The following KLF12 variants were observed in gnomAD, a reference collection of about 807,000 sequenced individuals.
KLF12 encodes the protein KLF transcription factor 12.
Under a neutral mutation model 37.8 loss-of-function variants are expected in KLF12, and 9 were observed. The observed-to-expected ratio is 0.24, with a 90% CI of 0.14 to 0.42. The LOEUF is 0.42. Among genes scored for constraint, KLF12 ranks in the 10% least tolerant of loss-of-function variants. KLF12 has a pLI of 1.00. For missense variants in KLF12, 411 were observed against 516.0 expected, an observed-to-expected ratio of 0.80 and a Z score of 1.97; for synonymous variants, 208 against 202.1, an observed-to-expected ratio of 1.03 and a Z score of -0.25.
chr13:74,252,903 C>T, the KLF12 span, among the ~76,000 whole-genome samples: 786 of 152,214 alleles, frequency 5.2e-3, 5 homozygotes, highest in African/African-American at 0.017. Flanking sequence ...TAGAAATATC[C>T]GGTCTAGATT....
intron 1 of KLF12, among the ~76,000 whole-genome samples, chr13:74,112,220 G>GTA (rs1456318046): frequency 1.3e-5 from 2 of 151,446 alleles, no homozygotes; most frequent in Non-Finnish European, 2.9e-5. Flanking sequence ...GTGTGTGTGT[G>GTA]TGTATGATAT....
rs575983063 is a variant in KLF12, at chr13:73,947,688, C to T, written c.34-3618G>A. On this transcript the variant is annotated intron_variant, in intron 2 of 7. Transcript: ENST00000377669. Reference sequence around the variant, plus strand: ...AAAAAAGAGTTGGCAACACAGTAGTCGAGCTGACATTCGCTCTCCCTGTCA... The same window carrying T: ...AAAAAAGAGTTGGCAACACAGTAGTTGAGCTGACATTCGCTCTCCCTGTCA... 1.2e-3 allele frequency among the ~76,000 whole-genome samples: 183 copies of T among 147,982 alleles called. 1 individual carries two copies. Among genetic ancestry groups the T allele is most frequent in the African/African-American group, 4.1e-3 (166 of 40,252 alleles).
intron 4 of KLF12, among the ~76,000 whole-genome samples, 182 bp from the exon 5 acceptor site, chr13:73,813,469 T>C (rs1883051337): frequency 6.6e-6 from 1 of 152,168 alleles, no homozygotes; most frequent in African/African-American, 2.4e-5. Context: ...CTTTTTCCCT[T>C]CATTGGAGTT....
chr13:73,797,658 T>A (rs1414657876), intron 5 of KLF12, among the ~76,000 whole-genome samples: 1 of 150,544 alleles, frequency 6.6e-6, no homozygotes, highest in Non-Finnish European at 1.5e-5. Flanking sequence ...TAATTCTAGC[T>A]ACTAGTGAGG....
the KLF12 span, among the ~76,000 whole-genome samples, chr13:74,292,897 T>C: frequency 2.0e-5 from 3 of 152,216 alleles, no homozygotes; most frequent in East Asian, 3.9e-4. Context: ...GTAGCATCTT[T>C]GTTTGCTTCT....
chr13:73,722,721 C>T (rs1489364088), intron 6 of KLF12, among the ~76,000 whole-genome samples: 2 of 152,164 alleles, frequency 1.3e-5, no homozygotes, highest in East Asian at 1.9e-4. Context: ...AAGAGAAATA[C>T]GTTTGCTAAA....
chr13:73,690,036 C>G lies in KLF12; in HGVS notation c.*5454G>C, dbSNP rs1873729742. On this transcript the variant is annotated 3_prime_UTR_variant, in exon 8 of 8. Coordinates refer to ENST00000377669, the MANE Select transcript of KLF12 (RefSeq NM_007249.5). ...TCAAATTAAGAAATGTTAATGTAAA[C>G]AAGATTAGGTATATTTGAAAGCTAT... 6.6e-6 allele frequency: 1 copy of G among 152,348 alleles called. No homozygotes were observed. The highest frequency in any genetic ancestry group is 1.5e-5 in the Non-Finnish European group (1 of 67,996). 9.4% of individuals were successfully genotyped at this position (152,348 alleles called of 1,614,324 possible). A position where few individuals can be genotyped will look rare whatever the true frequency, so the allele number is the denominator to read the frequency against.
intron 3 of KLF12, among the ~76,000 whole-genome samples, chr13:73,856,917 G>C (rs988062683): frequency 6.6e-6 from 1 of 152,090 alleles, no homozygotes; most frequent in Non-Finnish European, 1.5e-5. Context: ...AACCCAGGAG[G>C]AGGAGGTTGC....
At chr13:74,023,571 T>C (rs150043874) in intron 1 of KLF12, among the ~76,000 whole-genome samples, 1 of 152,334 alleles carries the variant, frequency 6.6e-6, no homozygotes, top group Non-Finnish European at 1.5e-5. Flanking sequence ...CTGGTATTCC[T>C]TGGCCTGTAA....
At chr13:74,094,550 GGA>G (rs1013347598) in intron 1 of KLF12, among the ~76,000 whole-genome samples, 29 of 151,810 alleles carry the variant, frequency 1.9e-4, no homozygotes, top group African/African-American at 6.8e-4. Flanking sequence ...CTGGCACATA[GGA>G]GGTAGTAAAT....
At chr13:73,972,771 C>G (rs1367029597) in intron 2 of KLF12, among the ~76,000 whole-genome samples, 2 of 150,886 alleles carry the variant, frequency 1.3e-5, no homozygotes, top group African/African-American at 4.9e-5. Flanking sequence ...TAATGAATCA[C>G]CAGAAGCACA....
intron 3 of KLF12, among the ~76,000 whole-genome samples, chr13:73,865,511 C>A (rs1462358397): frequency 6.6e-6 from 1 of 152,076 alleles, no homozygotes; most frequent in Non-Finnish European, 1.5e-5. Context: ...GAAAGAAACA[C>A]AAGAAAAGGA....
intron 4 of KLF12, among the ~76,000 whole-genome samples, chr13:73,831,181 C>T (rs1884137498): frequency 6.6e-6 from 1 of 152,088 alleles, no homozygotes; most frequent in African/African-American, 2.4e-5. Context: ...TTAAGGCATA[C>T]TTTTTAAAGC....
intron 3 of KLF12, among the ~76,000 whole-genome samples, chr13:73,858,915 T>C (rs760155482): frequency 5.3e-5 from 8 of 152,216 alleles, no homozygotes; most frequent in East Asian, 3.8e-4. Flanking sequence ...ATAAGTGTTA[T>C]AAAGACTGTG....
chr13:73,728,742 T>A (rs1014102305), intron 6 of KLF12, among the ~76,000 whole-genome samples: 1 of 152,232 alleles, frequency 6.6e-6, no homozygotes, highest in Non-Finnish European at 1.5e-5. Context: ...CAGCCTCGTT[T>A]CTGGGGTAAG....
At chr13:74,112,861 C>T (rs147814766) in intron 1 of KLF12, among the ~76,000 whole-genome samples, 17 of 152,236 alleles carry the variant, frequency 1.1e-4, no homozygotes, top group Admixed American at 5.9e-4. Flanking sequence ...GCAGACAGAC[C>T]GAAAGCCAGG....
At chr13:74,066,169 A>C (rs1873903443) in intron 1 of KLF12, among the ~76,000 whole-genome samples, 1 of 152,124 alleles carries the variant, frequency 6.6e-6, no homozygotes, top group African/African-American at 2.4e-5. Context: ...TATGAAGAGG[A>C]AATATGGAAC....
At chr13:73,957,948 G>A (rs1053470651) in intron 2 of KLF12, among the ~76,000 whole-genome samples, 10 of 152,122 alleles carry the variant, frequency 6.6e-5, no homozygotes, top group Admixed American at 1.3e-4. Flanking sequence ...TTGATTCACA[G>A]GAATAAAAGA....
the KLF12 span, among the ~76,000 whole-genome samples, chr13:74,214,648 T>G: frequency 3.9e-5 from 6 of 152,156 alleles, no homozygotes; most frequent in Non-Finnish European, 8.8e-5. Flanking sequence ...TCAGATTTTT[T>G]TTTTTCTAAA....
Sources: allele counts gnomAD v4.1 joint callset (sites outside exome capture counted in the v4.1 genomes callset), GRCh38; gene constraint gnomAD v4.1.1; transcripts MANE v1.5; gene names NCBI Gene and HGNC (gene_info 2026-07-23, HGNC 2026-07-21).